VAV1: variants seen among roughly 807,000 people sequenced by gnomAD.
The protein encoded by VAV1 is proto-oncogene vav.
A neutral mutation model predicts 128.1 loss-of-function variants in VAV1; 33 were observed. The observed-to-expected ratio is 0.26, with a 90% CI of 0.20 to 0.34. The LOEUF (loss-of-function observed/expected upper bound fraction) is 0.34, where lower values mean the gene tolerates loss of function less well. Among genes scored for constraint, VAV1 ranks in the 10% least tolerant of loss-of-function variants. The probability of loss-of-function intolerance (pLI) is 1.00; values close to 1 mark genes in which losing one functional copy is unlikely to be tolerated. For synonymous variants in VAV1, 394 were observed against 409.8 expected, an observed-to-expected ratio of 0.96 and a Z score of 0.47; for missense variants, 715 against 1,093.7, an observed-to-expected ratio of 0.65 and a Z score of 4.88.
At chr19:6,788,118 G>A (rs898342863) in intron 1 of VAV1, among the ~76,000 whole-genome samples, 1 of 151,786 alleles carries the variant, frequency 6.6e-6, no homozygotes, top group African/African-American at 2.4e-5. Flanking sequence ...AACATTCAAT[G>A]GAGATGGACC....
At chr19:6,834,666 T>A (rs536012308) in intron 19 of VAV1, among the ~76,000 whole-genome samples, 315 of 146,462 alleles carry the variant, frequency 2.2e-3, no homozygotes, top group African/African-American at 7.4e-3. Flanking sequence ...ATATAAAATA[T>A]ATATTAATAT....
chr19:6,822,183 G>A lies in VAV1; in HGVS notation c.450-38G>A. ...TCTGCGGGGACCCTGCTGTGATCTG[G>A]GAGAGGTCCAAGGGATCCCTGACCT... On this transcript the variant is annotated intron_variant, in intron 4 of 26. Coordinates refer to ENST00000602142, the MANE Select transcript of VAV1 (RefSeq NM_005428.4). This position sits in a 1 kb window ranked among gnomAD's most constrained non-coding sequence, Gnocchi z 5.9. 6.5e-7 allele frequency: 1 copy of A among 1,544,794 alleles called. No individual in the cohort carries two copies. Among genetic ancestry groups the A allele is most frequent in the Non-Finnish European group, 8.8e-7 (1 of 1,139,948 alleles).
At chr19:6,793,855 T>C (rs1373455850) in intron 1 of VAV1, among the ~76,000 whole-genome samples, 2 of 152,116 alleles carry the variant, frequency 1.3e-5, no homozygotes, top group Non-Finnish European at 2.9e-5. Context: ...CCCTACCTTA[T>C]AGGATTGTTG....
At chr19:6,812,938 G>A (rs887039837) in intron 1 of VAV1, among the ~76,000 whole-genome samples, 6 of 152,046 alleles carry the variant, frequency 3.9e-5, no homozygotes, top group East Asian at 1.9e-4. Context: ...AACTTGAAAC[G>A]TCCAGCCCTT....
chr19:6,822,585 GT>G lies in VAV1; in HGVS notation c.654+72del. The G allele has an allele frequency of 7.2e-7, 1 of 1,384,070 alleles. No homozygotes were observed. Among genetic ancestry groups the G allele is most frequent in the Non-Finnish European group, 9.9e-7 (1 of 1,013,774 alleles). 85.7% of individuals were successfully genotyped at this position (1,384,070 alleles called of 1,614,324 possible). ...TGGGCCGGCAGGTGCACGTCCACCT[GT>G]CCGGCCGCTCTGGGCAGCTGAGGAT... On this transcript the variant is annotated intron_variant, in intron 6 of 26. Coordinates refer to ENST00000602142, the MANE Select transcript of VAV1 (RefSeq NM_005428.4). The surrounding 1 kb of genome is among the most constrained non-coding windows in gnomAD (Gnocchi z 5.9).
intron 19 of VAV1, among the ~76,000 whole-genome samples, chr19:6,834,595 T>C (rs1350777167): frequency 6.9e-6 from 1 of 145,532 alleles, no homozygotes; most frequent in African/African-American, 2.5e-5. Flanking sequence ...TATAATAATT[T>C]ATTATTTAAT....
Position 6,828,477 on chromosome 19 carries a change from A to T in VAV1, c.1082A>T (p.Asp361Val). The change falls in exon 11 of 27, where the codon GAT becomes GTT. Residue 361 changes from aspartate to valine, a missense_variant. Coordinates refer to ENST00000602142, the MANE Select transcript of VAV1 (RefSeq NM_005428.4). The surrounding 1 kb of genome is among the most constrained non-coding windows in gnomAD (Gnocchi z 4.5). ...MEKENLRLAL[D>V]AMRDLAQCVN... ...AAGGAGAACCTGCGGCTGGCCCTGG[A>T]TGCCATGAGGGTGAGTGGGTGTAGG... 1 of 1,614,114 alleles carries T rather than the reference A, an allele frequency of 6.2e-7. No homozygotes were observed. The highest frequency in any genetic ancestry group is 8.5e-7 in the Non-Finnish European group (1 of 1,180,000).
At chr19:6,811,960 C>T (rs1305943973) in intron 1 of VAV1, among the ~76,000 whole-genome samples, 2 of 152,186 alleles carry the variant, frequency 1.3e-5, no homozygotes, top group Non-Finnish European at 2.9e-5. Context: ...CCCTTAGAGT[C>T]TCAGCCTGCA....
At chr19:6,838,132 T>TATCC (rs915885043) in intron 21 of VAV1, among the ~76,000 whole-genome samples, 3 of 150,526 alleles carry the variant, frequency 2.0e-5, no homozygotes, top group South Asian at 2.1e-4. Context: ...TCTATCTATC[T>TATCC]ATCCATGCAT....
intron 1 of VAV1, among the ~76,000 whole-genome samples, chr19:6,791,113 G>A (rs1188406250): frequency 6.6e-6 from 1 of 152,116 alleles, no homozygotes; most frequent in Admixed American, 6.5e-5. Flanking sequence ...TTGGATTTAG[G>A]GCCCACCTGG....
At chr19:6,836,620 T>C in intron 20 of VAV1, 52 bp downstream of exon 20, 1 of 1,599,720 alleles carries the variant, frequency 6.3e-7, no homozygotes, top group Non-Finnish European at 8.5e-7. Context: ...TGTAGGGTTA[T>C]GGATTCATGT....
At chr19:6,855,921 CA>C (rs1209956635) in intron 26 of VAV1, among the ~76,000 whole-genome samples, 1 of 152,078 alleles carries the variant, frequency 6.6e-6, no homozygotes, top group Non-Finnish European at 1.5e-5. Context: ...TCCATCCAGC[CA>C]AAAAATATTC....
intron 1 of VAV1, among the ~76,000 whole-genome samples, chr19:6,802,033 TA>T (rs35172734): frequency 0.87 from 132,008 of 151,832 alleles, 57,651 homozygotes; most frequent in East Asian, 0.94. Flanking sequence ...ACCGTCCTCA[TA>T]ATGCCTCTCC....
intron 1 of VAV1, among the ~76,000 whole-genome samples, chr19:6,791,121 T>C (rs1971008101): frequency 6.6e-6 from 1 of 152,254 alleles, no homozygotes; most frequent in African/African-American, 2.4e-5. Flanking sequence ...AGGGCCCACC[T>C]GGATGATCCC....
At chr19:6,851,152 T>G (rs1465510018) in intron 24 of VAV1, among the ~76,000 whole-genome samples, 2 of 151,854 alleles carry the variant, frequency 1.3e-5, no homozygotes, top group African/African-American at 2.4e-5. Context: ...CTGTTTATTT[T>G]TATATATATA....
intron 1 of VAV1, among the ~76,000 whole-genome samples, chr19:6,793,288 C>T (rs911681662): frequency 2.6e-5 from 4 of 151,800 alleles, no homozygotes; most frequent in South Asian, 2.1e-4. Context: ...GAGCCGAGAT[C>T]GCGCCACTGC....
intron 22 of VAV1, among the ~76,000 whole-genome samples, chr19:6,847,218 A>C (rs1384798136): frequency 1.3e-5 from 2 of 152,056 alleles, no homozygotes; most frequent in African/African-American, 4.8e-5. Context: ...AGCCAGTGCC[A>C]TTTGGTATAT....
At chr19:6,814,667 C>CCTTT (rs1163692104) in intron 1 of VAV1, among the ~76,000 whole-genome samples, 1 of 25,100 alleles carries the variant, frequency 4.0e-5, no homozygotes, top group African/African-American at 2.3e-4. Flanking sequence ...TTCCTTCCTT[C>CCTTT]CTTCCTTTCT....
At chr19:6,805,512 C>A (rs935283672) in intron 1 of VAV1, among the ~76,000 whole-genome samples, 7 of 151,116 alleles carry the variant, frequency 4.6e-5, no homozygotes, top group African/African-American at 1.7e-4. Context: ...GAGGCTGAGG[C>A]AGGAGGATCA....
Sources: allele counts gnomAD v4.1 joint callset (sites outside exome capture counted in the v4.1 genomes callset), GRCh38; gene constraint gnomAD v4.1.1; non-coding constraint Gnocchi (gnomAD v3.1); transcripts MANE v1.5; gene names NCBI Gene and HGNC (gene_info 2026-07-23, HGNC 2026-07-21).